The following GNAQ variants were observed in gnomAD, a reference collection of about 807,000 sequenced individuals.
GNAQ encodes the protein G protein subunit alpha q.
Under a neutral mutation model 43.9 loss-of-function variants are expected in GNAQ, and 8 were observed. The ratio of observed to expected loss-of-function variants is 0.18; its 90% CI spans 0.11 to 0.33. GNAQ has a LOEUF of 0.33. Among genes scored for constraint, GNAQ ranks in the 10% least tolerant of loss-of-function variants. The pLI, the probability that GNAQ is intolerant of heterozygous loss-of-function variation, is 1.00. For missense variants in GNAQ, 158 were observed against 450.8 expected, an observed-to-expected ratio of 0.35 and a Z score of 5.88; for synonymous variants, 155 against 170.7, an observed-to-expected ratio of 0.91 and a Z score of 0.71.
At chr9:77,955,299 C>T (rs560121543) in intron 1 of GNAQ, among the ~76,000 whole-genome samples, 1 of 152,096 alleles carries the variant, frequency 6.6e-6, no homozygotes, top group African/African-American at 2.4e-5. Flanking sequence ...CCTGCCACTG[C>T]GCCCAGCTAA....
At chr9:77,724,497 G>T (rs1464981537) in intron 6 of GNAQ, among the ~76,000 whole-genome samples, 1 of 152,076 alleles carries the variant, frequency 6.6e-6, no homozygotes. Context: ...ACACCCAGCA[G>T]GTTTTTTTCT....
At chr9:77,973,800 AG>A (rs1823267858) in intron 1 of GNAQ, among the ~76,000 whole-genome samples, 1 of 152,176 alleles carries the variant, frequency 6.6e-6, no homozygotes, top group South Asian at 2.1e-4. Flanking sequence ...CCTGGGCGAC[AG>A]AGTGAGACTC....
intron 3 of GNAQ, among the ~76,000 whole-genome samples, chr9:77,806,752 C>T (rs1173821304): frequency 4.6e-5 from 7 of 152,126 alleles, no homozygotes; most frequent in South Asian, 4.1e-4. Flanking sequence ...ACAACTTTTA[C>T]GGAAAGTCTA....
At chr9:77,803,354 T>G (rs941982003) in intron 3 of GNAQ, among the ~76,000 whole-genome samples, 4 of 152,392 alleles carry the variant, frequency 2.6e-5, no homozygotes, top group African/African-American at 9.6e-5. Context: ...AAAATGTTTA[T>G]GTCCATTTTA....
chr9:77,752,840 ACTCT>A (rs1825832724), intron 5 of GNAQ, among the ~76,000 whole-genome samples: 1 of 152,058 alleles, frequency 6.6e-6, no homozygotes, highest in South Asian at 2.1e-4. Flanking sequence ...CAATCCCAGC[ACTCT>A]GGGAGGCCAA....
Position 77,739,116 on chromosome 9 carries a change from G to A in GNAQ, c.736-10449C>T, listed in dbSNP as rs367712086. ...GGGGGTGAACAAACTTATTCATCTC[G>A]TAGTGATGTGTGAACTTACTCGTTT... On this transcript the variant is annotated intron_variant, in intron 5 of 6. Transcript: ENST00000286548. Among the ~76,000 whole-genome samples the A allele has an allele frequency of 1.1e-4, 16 of 152,220 alleles. No homozygotes were observed. The East Asian group carries it at 1.5e-3, about 15-fold the overall frequency.
chr9:77,980,307 T>C (rs1362732829), intron 1 of GNAQ, among the ~76,000 whole-genome samples: 1 of 152,216 alleles, frequency 6.6e-6, no homozygotes, highest in African/African-American at 2.4e-5. Flanking sequence ...CATTTCAGTA[T>C]CAAGTGTCTC....
chr9:77,933,237 G>C (rs1829177743), intron 1 of GNAQ, among the ~76,000 whole-genome samples: 1 of 152,190 alleles, frequency 6.6e-6, no homozygotes, highest in South Asian at 2.1e-4. Flanking sequence ...GTGTGAGTCA[G>C]AGCAGGCTGC....
intron 2 of GNAQ, among the ~76,000 whole-genome samples, chr9:77,850,835 G>A (rs1032479009): frequency 8.6e-5 from 13 of 151,892 alleles, no homozygotes; most frequent in African/African-American, 3.1e-4. Context: ...GCAGGCTCTC[G>A]TGACCCTCGC....
chr9:77,907,072 A>G (rs1481407776), intron 2 of GNAQ, among the ~76,000 whole-genome samples: 1 of 152,218 alleles, frequency 6.6e-6, no homozygotes, highest in East Asian at 1.9e-4. Context: ...AAAAGGATCT[A>G]GTATTTATAG....
At chr9:77,859,995 G>C (rs1827817754) in intron 2 of GNAQ, among the ~76,000 whole-genome samples, 1 of 152,138 alleles carries the variant, frequency 6.6e-6, no homozygotes, top group South Asian at 2.1e-4. Flanking sequence ...TAAATGCACA[G>C]ACATCTATAA....
intron 1 of GNAQ, among the ~76,000 whole-genome samples, chr9:77,931,512 G>A (rs1013878330): frequency 3.3e-5 from 5 of 151,722 alleles, no homozygotes; most frequent in African/African-American, 1.2e-4. Flanking sequence ...GATGGCGTGA[G>A]CCCCGGAGAC....
At chr9:77,946,167 G>C (rs1004698770) in intron 1 of GNAQ, among the ~76,000 whole-genome samples, 1 of 152,156 alleles carries the variant, frequency 6.6e-6, no homozygotes, top group Non-Finnish European at 1.5e-5. Flanking sequence ...AGTGGATACT[G>C]CAAGAAGAGA....
At chr9:78,010,114 T>C (rs1418966577) in intron 1 of GNAQ, among the ~76,000 whole-genome samples, 1 of 152,186 alleles carries the variant, frequency 6.6e-6, no homozygotes, top group Non-Finnish European at 1.5e-5. Flanking sequence ...AAGGCACACA[T>C]CAAGTGCTGG....
At chr9:77,995,555 A>T (rs779313413) in intron 1 of GNAQ, among the ~76,000 whole-genome samples, 3 of 152,040 alleles carry the variant, frequency 2.0e-5, no homozygotes, top group Non-Finnish European at 2.9e-5. Flanking sequence ...CAGTGGTGGG[A>T]TCATAGCTCA....
At chr9:77,918,310 G>A (rs147313603) in intron 2 of GNAQ, among the ~76,000 whole-genome samples, 51 of 152,294 alleles carry the variant, frequency 3.3e-4, no homozygotes, top group African/African-American at 1.1e-3. Flanking sequence ...GATGGTGGGT[G>A]CAGAGAAGCT....
intron 5 of GNAQ, among the ~76,000 whole-genome samples, chr9:77,775,328 A>C (rs1826290306): frequency 6.6e-6 from 1 of 151,992 alleles, no homozygotes; most frequent in Admixed American, 6.6e-5. Context: ...AAGATTTTAT[A>C]TATTGTCATA....
At chr9:77,830,884 A>T (rs1452841394) in intron 2 of GNAQ, among the ~76,000 whole-genome samples, 6 of 152,138 alleles carry the variant, frequency 3.9e-5, no homozygotes, top group Non-Finnish European at 7.3e-5. Flanking sequence ...GAACTTGTAA[A>T]ACTTGAGAAA....
intron 2 of GNAQ, among the ~76,000 whole-genome samples, chr9:77,896,411 C>T (rs147453694): frequency 1.3e-4 from 20 of 152,296 alleles, no homozygotes; most frequent in African/African-American, 3.8e-4. Context: ...ATTTATTCTA[C>T]GTTTTAAAAC....
Sources: allele counts gnomAD v4.1 joint callset (sites outside exome capture counted in the v4.1 genomes callset), GRCh38; gene constraint gnomAD v4.1.1; transcripts MANE v1.5; gene names NCBI Gene and HGNC (gene_info 2026-07-23, HGNC 2026-07-21).